IGSF21: variants seen among roughly 807,000 people sequenced by gnomAD.
The protein encoded by IGSF21 is immunoglobin superfamily member 21.
A neutral mutation model predicts 46.8 loss-of-function variants in IGSF21; 28 were observed. That is an observed-to-expected ratio of 0.60 (90% CI 0.44 to 0.82). The LOEUF (loss-of-function observed/expected upper bound fraction) is 0.82, where lower values mean the gene tolerates loss of function less well. Ranked by LOEUF, IGSF21 falls within the 40% of genes least tolerant of loss-of-function variation. IGSF21 has a pLI of 0.00. For missense variants in IGSF21, 624 were observed against 665.5 expected, an observed-to-expected ratio of 0.94 and a Z score of 0.69; for synonymous variants, 284 against 273.6, an observed-to-expected ratio of 1.04 and a Z score of -0.38.
intron 4 of IGSF21, among the ~76,000 whole-genome samples, chr1:18,343,792 A>G (rs1419234757): frequency 6.6e-6 from 1 of 152,088 alleles, no homozygotes; most frequent in African/African-American, 2.4e-5. Context: ...ATTCTGTTTC[A>G]CTGCTCTATA....
At chr1:18,350,508 T>A (rs1014879339) in intron 4 of IGSF21, among the ~76,000 whole-genome samples, 2 of 152,214 alleles carry the variant, frequency 1.3e-5, no homozygotes, top group Non-Finnish European at 2.9e-5. Flanking sequence ...CAAGAGATAT[T>A]CAATCAAGCA....
At position 18,370,369 on chromosome 1, in the gene IGSF21, T is replaced by TA. The variant is rs35639958; in HGVS notation, c.1015+4678dup. ...TTCAATCAGGAAAGAGAAGTTCTCTTAAAAAATGACCCTGAAACAAATGAA... is the reference window on the plus strand; with the variant it reads ...TTCAATCAGGAAAGAGAAGTTCTCTTAAAAAAATGACCCTGAAACAAATGAA... On this transcript the variant is annotated intron_variant, in intron 6 of 9. Transcript: ENST00000251296. Among the ~76,000 whole-genome samples the TA allele has an allele frequency of 6.1e-4, 93 of 152,246 alleles. 1 individual carries two copies. Among genetic ancestry groups the TA allele is most frequent in the African/African-American group, 2.2e-3 (90 of 41,544 alleles).
chr1:18,108,985 A>AGTGTGTGTGTGTGTGTGT (rs10686337), intron 1 of IGSF21, among the ~76,000 whole-genome samples: 6,561 of 127,662 alleles, frequency 0.051, 242 homozygotes, highest in African/African-American at 0.065. Context: ...TGAGCAGCTC[A>AGTGTGTGTGTGTGTGTGT]GTGTGTGTGT....
intron 1 of IGSF21, among the ~76,000 whole-genome samples, chr1:18,170,021 C>A (rs1248771937): frequency 6.6e-6 from 1 of 152,126 alleles, no homozygotes; most frequent in African/African-American, 2.4e-5. Flanking sequence ...GGACCAAGTG[C>A]ATCTGTGTTC....
At chr1:18,178,853 G>A (rs1348850950) in intron 1 of IGSF21, among the ~76,000 whole-genome samples, 1 of 152,132 alleles carries the variant, frequency 6.6e-6, no homozygotes, top group Non-Finnish European at 1.5e-5. Context: ...GCGAGCGCAG[G>A]GATGCTTATT....
At chr1:18,268,753 G>T (rs562992941) in intron 2 of IGSF21, among the ~76,000 whole-genome samples, 1 of 152,148 alleles carries the variant, frequency 6.6e-6, no homozygotes, top group Admixed American at 6.5e-5. Context: ...GCATGTAGTT[G>T]GTCTCCCTCC....
chr1:18,371,718 T>C (rs1445743293), intron 6 of IGSF21, among the ~76,000 whole-genome samples: 1 of 152,224 alleles, frequency 6.6e-6, no homozygotes, highest in Non-Finnish European at 1.5e-5. Context: ...GGAAATTGAC[T>C]GGAAGGAGGC....
In IGSF21 at chr1:18,207,456, A is replaced by G. The variant is rs143092769; in HGVS notation, c.71-20442A>G. ...GCCCACCTCATGTGAGGCATGGTTTAGCTCTCCTTGCAGGAAAGGCATCTG... is the reference window on the plus strand; with the variant it reads ...GCCCACCTCATGTGAGGCATGGTTTGGCTCTCCTTGCAGGAAAGGCATCTG... On this transcript the variant is annotated intron_variant, in intron 1 of 9. Coordinates refer to ENST00000251296, the MANE Select transcript of IGSF21 (RefSeq NM_032880.5). Among the ~76,000 whole-genome samples, 1,082 of 152,318 alleles carry G rather than the reference A, an allele frequency of 7.1e-3. 13 individuals are homozygous for G. The highest frequency in any genetic ancestry group is 0.025 in the African/African-American group (1,030 of 41,564).
At chr1:18,289,119 A>C (rs1453544762) in intron 2 of IGSF21, among the ~76,000 whole-genome samples, 1 of 152,128 alleles carries the variant, frequency 6.6e-6, no homozygotes, top group Non-Finnish European at 1.5e-5. Flanking sequence ...AAATTTGAGG[A>C]GACAGTTTTA....
intron 1 of IGSF21, chr1:18,167,756 CA>C (rs1352458324): frequency 2.6e-5 from 4 of 152,180 alleles, no homozygotes; most frequent in Non-Finnish European, 5.9e-5. Context: ...CCTCCATCCC[CA>C]CTCCTGCTGT....
At chr1:18,350,006 T>A (rs2085935179) in intron 4 of IGSF21, among the ~76,000 whole-genome samples, 1 of 152,134 alleles carries the variant, frequency 6.6e-6, no homozygotes, top group Non-Finnish European at 1.5e-5. Context: ...CGAAGCACGA[T>A]ACAATCGTCA....
chr1:18,344,653 C>T (rs1294882326), intron 4 of IGSF21, among the ~76,000 whole-genome samples: 1 of 152,040 alleles, frequency 6.6e-6, no homozygotes, highest in Non-Finnish European at 1.5e-5. Context: ...AGCCGCCATA[C>T]AATGGTGTGT....
At chr1:18,351,029 G>A (rs937575973) in intron 4 of IGSF21, among the ~76,000 whole-genome samples, 36 of 152,188 alleles carry the variant, frequency 2.4e-4, no homozygotes, top group African/African-American at 6.5e-4. Context: ...TAGAGGACAC[G>A]TGGGCCCTTC....
intron 1 of IGSF21, among the ~76,000 whole-genome samples, chr1:18,220,826 G>A (rs1237751162): frequency 6.6e-6 from 1 of 152,152 alleles, no homozygotes; most frequent in Non-Finnish European, 1.5e-5. Flanking sequence ...GAGGTTAGAG[G>A]AGGCTGTGTG....
chr1:18,216,519 C>A (rs2084450081), intron 1 of IGSF21, among the ~76,000 whole-genome samples: 1 of 152,114 alleles, frequency 6.6e-6, no homozygotes, highest in Non-Finnish European at 1.5e-5. Flanking sequence ...GGCCAGAGAC[C>A]AGTGAGCTGG....
chr1:18,243,719 T>A (rs2084755954), intron 2 of IGSF21, among the ~76,000 whole-genome samples: 1 of 152,198 alleles, frequency 6.6e-6, no homozygotes, highest in African/African-American at 2.4e-5. Flanking sequence ...TCATTTGGGT[T>A]CTGTAAACAG....
chr1:18,251,610 C>A lies in IGSF21; in HGVS notation c.183+23600C>A, dbSNP rs529811324. On this transcript the variant is annotated intron_variant, in intron 2 of 9. Coordinates refer to ENST00000251296, the MANE Select transcript of IGSF21 (RefSeq NM_032880.5). The stretch of plus-strand genomic sequence containing the variant: ...CTTAAGTCATTTCCACTCATTGTGT[C>A]CATCCACACGGATGCAACTGTGAGG... Among the ~76,000 whole-genome samples, 9 of 152,242 alleles carry A rather than the reference C, an allele frequency of 5.9e-5. No homozygotes were observed. The South Asian group carries it at 1.2e-3, about 21-fold the overall frequency.
At chr1:18,130,943 G>T (rs1162724510) in intron 1 of IGSF21, among the ~76,000 whole-genome samples, 1 of 152,216 alleles carries the variant, frequency 6.6e-6, no homozygotes. Flanking sequence ...CTGTATGGGG[G>T]ACCTGAGTGC....
intron 1 of IGSF21, among the ~76,000 whole-genome samples, chr1:18,215,665 G>C (rs1219139335): frequency 2.0e-5 from 3 of 152,216 alleles, no homozygotes; most frequent in Non-Finnish European, 4.4e-5. Flanking sequence ...CTCTAAGTAA[G>C]TCAGGATGGC....
Sources: allele counts gnomAD v4.1 joint callset (sites outside exome capture counted in the v4.1 genomes callset), GRCh38; gene constraint gnomAD v4.1.1; transcripts MANE v1.5; gene names NCBI Gene and HGNC (gene_info 2026-07-23, HGNC 2026-07-21).